Variants in TEX11 observed in about 807,000 individuals in gnomAD.
The protein encoded by TEX11 is testis-expressed protein 11.
Under a neutral mutation model 84.4 loss-of-function variants are expected in TEX11, and 7 were observed. The ratio of observed to expected loss-of-function variants is 0.08; its 90% CI spans 0.05 to 0.16. TEX11 has a LOEUF of 0.16. Ranked by LOEUF, TEX11 falls within the 10% of genes least tolerant of loss-of-function variation. The pLI is 1.00. For missense variants in TEX11, 551 were observed against 660.5 expected (o/e 0.83, Z 1.82); for synonymous variants, 264 against 222.8 (o/e 1.18, Z -1.64).
chrX:70,879,323 A>G (rs947431254), intron 3 of TEX11, among the ~76,000 whole-genome samples: 1 of 111,460 alleles, frequency 9.0e-6, no homozygotes, highest in African/African-American at 3.3e-5. Flanking sequence ...AGGTATTTAT[A>G]TATACATAAA....
chrX:70,523,588 C>T, the TEX11 span, among the ~76,000 whole-genome samples: 7 of 110,282 alleles, frequency 6.3e-5, no homozygotes, highest in African/African-American at 1.3e-4. Flanking sequence ...CTCAGCCTCC[C>T]GAGTAGCTGG....
At chrX:70,517,439 T>G in the TEX11 span, among the ~76,000 whole-genome samples, 1 of 111,550 alleles carries the variant, frequency 9.0e-6, no homozygotes, top group Non-Finnish European at 1.9e-5. Context: ...GATTTGTGTA[T>G]GTTGAACCAG....
At chrX:70,624,512 T>C (rs1196314514) in intron 19 of TEX11, among the ~76,000 whole-genome samples, 1 of 111,867 alleles carries the variant, frequency 8.9e-6, no homozygotes, top group African/African-American at 3.2e-5. Flanking sequence ...GATTTTTAAA[T>C]ATTTACCTTA....
chrX:70,515,962 G>A, the TEX11 span, among the ~76,000 whole-genome samples: 2 of 111,988 alleles, frequency 1.8e-5, no homozygotes, highest in South Asian at 3.7e-4. Flanking sequence ...ACTTGTTGAT[G>A]GAGTTGTTTG....
chrX:70,693,127 G>A (rs1025421233), intron 13 of TEX11, among the ~76,000 whole-genome samples: 1 of 111,440 alleles, frequency 9.0e-6, no homozygotes, highest in Non-Finnish European at 1.9e-5. Flanking sequence ...TGTAATCCCA[G>A]CTACTTGGGA....
At chrX:70,808,107 C>CAAAAAAAAAA (rs549201546) in intron 8 of TEX11, among the ~76,000 whole-genome samples, 44 of 32,612 alleles carry the variant, frequency 1.3e-3, no homozygotes, top group South Asian at 3.1e-3. Context: ...GACTCTGTCT[C>CAAAAAAAAAA]AAAAAAAAAA....
chrX:70,861,513 G>T (rs979025664), intron 4 of TEX11, among the ~76,000 whole-genome samples: 9 of 110,440 alleles, frequency 8.1e-5, no homozygotes, highest in Admixed American at 1.9e-4. Flanking sequence ...CGCCCAGGAT[G>T]GAGTGCAGTG....
chrX:70,714,729 G>T (rs1603233325), intron 13 of TEX11, among the ~76,000 whole-genome samples: 1 of 111,403 alleles, frequency 9.0e-6, no homozygotes, highest in Middle Eastern at 4.6e-3. Context: ...ACACTGATGG[G>T]TCTTGACTCT....
chrX:70,753,895 C>G (rs756350915), intron 9 of TEX11, among the ~76,000 whole-genome samples: 7 of 110,519 alleles, frequency 6.3e-5, no homozygotes, highest in Non-Finnish European at 1.1e-4. Context: ...AATCATTCAT[C>G]ATCTGCTAAC....
intron 8 of TEX11, among the ~76,000 whole-genome samples, chrX:70,826,416 A>T (rs958813266): frequency 3.6e-5 from 4 of 112,087 alleles, no homozygotes; most frequent in African/African-American, 9.7e-5. Flanking sequence ...AACTGTCTGC[A>T]CACAGAAAAG....
chrX:70,639,224 C>G (rs981971035), intron 17 of TEX11, among the ~76,000 whole-genome samples: 1 of 112,028 alleles, frequency 8.9e-6, no homozygotes, highest in Non-Finnish European at 1.9e-5. Context: ...GCTTAAAAAA[C>G]AGCGCACCAC....
intron 10 of TEX11, among the ~76,000 whole-genome samples, chrX:70,741,208 T>C (rs774998663): frequency 1.8e-5 from 2 of 111,371 alleles, no homozygotes; most frequent in South Asian, 3.8e-4. Context: ...TTTTATGGAG[T>C]AAATATGGCA....
intron 13 of TEX11, among the ~76,000 whole-genome samples, chrX:70,711,031 A>C (rs1325170567): frequency 2.8e-5 from 3 of 108,883 alleles, no homozygotes; most frequent in Non-Finnish European, 5.7e-5. Context: ...GAGTGAGAAC[A>C]TGTGGTGTTT....
chrX:70,732,056 A>G (rs1280603291), intron 11 of TEX11, among the ~76,000 whole-genome samples: 1 of 111,979 alleles, frequency 8.9e-6, no homozygotes, highest in African/African-American at 3.3e-5. Context: ...CAAAAACCAC[A>G]TGATTATCTC....
At chrX:70,640,519 G>C (rs1436040392) in intron 17 of TEX11, among the ~76,000 whole-genome samples, 8 of 110,956 alleles carry the variant, frequency 7.2e-5, no homozygotes, top group Non-Finnish European at 1.3e-4. Flanking sequence ...CAGCCAGAGA[G>C]AAACGTCAGG....
At chrX:70,580,956 T>C (rs1367254564) in intron 25 of TEX11, among the ~76,000 whole-genome samples, 4 of 11,937 alleles carry the variant, frequency 3.4e-4, no homozygotes, top group East Asian at 2.9e-3. Flanking sequence ...TTAATTAATA[T>C]AGACTGCTTA....
At chrX:70,859,580 CAAAAA>C (rs760041212) in intron 5 of TEX11, among the ~76,000 whole-genome samples, 1 of 35,053 alleles carries the variant, frequency 2.9e-5, no homozygotes, top group African/African-American at 7.5e-5. Flanking sequence ...AGATCCTGTC[CAAAAA>C]AAAAAAAAAA....
chrX:70,580,104 A>G (rs1482963964), intron 25 of TEX11, among the ~76,000 whole-genome samples: 1 of 112,622 alleles, frequency 8.9e-6, no homozygotes, highest in Non-Finnish European at 1.9e-5. Flanking sequence ...CATATACACA[A>G]TGGAGCACTA....
At chrX:70,521,006 G>T in the TEX11 span, among the ~76,000 whole-genome samples, 2 of 111,886 alleles carry the variant, frequency 1.8e-5, no homozygotes, top group African/African-American at 6.5e-5. Flanking sequence ...TGCAGTATTT[G>T]GGTGGGAGTG....
Sources: gnomAD v4.1 joint callset for allele counts (sites outside exome capture counted in the v4.1 genomes callset) on GRCh38, gnomAD v4.1.1 for gene constraint, MANE v1.5 for transcripts, NCBI Gene and HGNC (gene_info 2026-07-23, HGNC 2026-07-21) for gene names.